Variants in ANO10 observed in about 807,000 individuals in gnomAD.
ANO10 encodes the protein anoctamin 10.
In ANO10, 77 loss-of-function variants were observed where a neutral mutation model predicts 74.7. That is an observed-to-expected ratio of 1.03 (90% CI 0.86 to 1.25). ANO10 has a LOEUF of 1.25. Ranked by LOEUF, ANO10 falls within the 50% of genes most tolerant of loss-of-function variation. The pLI is 0.00. For synonymous variants in ANO10, 279 were observed against 284.9 expected, an observed-to-expected ratio of 0.98 and a Z score of 0.21; for missense variants, 721 against 778.1, an observed-to-expected ratio of 0.93 and a Z score of 0.87.
intron 1 of ANO10, chr3:43,689,588 CT>C (rs1382378624): frequency 1.3e-5 from 2 of 152,174 alleles, no homozygotes; most frequent in African/African-American, 2.4e-5. Context: ...TTATAAGTGG[CT>C]TTCCCCCCTC....
At chr3:43,666,575 ATATC>A (rs749415103) in intron 1 of ANO10, among the ~76,000 whole-genome samples, 14 of 152,160 alleles carry the variant, frequency 9.2e-5, no homozygotes, top group Non-Finnish European at 2.1e-4. Flanking sequence ...CTATATCTAT[ATATC>A]TATCAATCAA....
chr3:43,382,241 C>T (rs867301463), intron 12 of ANO10, among the ~76,000 whole-genome samples: 9 of 152,144 alleles, frequency 5.9e-5, no homozygotes, highest in Admixed American at 2.0e-4. Context: ...AAGATCAGGC[C>T]GGGCGCGGTG....
At chr3:43,451,366 AG>A (rs538842309) in intron 11 of ANO10, among the ~76,000 whole-genome samples, 78 of 152,162 alleles carry the variant, frequency 5.1e-4, no homozygotes, top group Non-Finnish European at 6.3e-4. Context: ...TGGCCATTCC[AG>A]CTTCAGAGCT....
rs541011237 is a variant in ANO10 at position 43,398,927 on chromosome 3, G to T, written c.1915-31953C>A. On this transcript the variant is annotated intron_variant, in intron 12 of 12. Coordinates refer to ENST00000292246, the MANE Select transcript of ANO10 (RefSeq NM_018075.5). ...CACTGCAACCTCTGCCTTCTGGGCTGATGTGATCCTCCCACCTCAGTCTCC... is the reference window on the plus strand; with the variant it reads ...CACTGCAACCTCTGCCTTCTGGGCTTATGTGATCCTCCCACCTCAGTCTCC... 8.5e-4 allele frequency among the ~76,000 whole-genome samples: 129 copies of T among 152,290 alleles called. 1 individual carries two copies. The highest frequency in any genetic ancestry group is 2.7e-3 in the African/African-American group (112 of 41,566).
chr3:43,369,638 A>G (rs1421586957), intron 12 of ANO10, among the ~76,000 whole-genome samples: 3 of 152,124 alleles, frequency 2.0e-5, no homozygotes, highest in Admixed American at 6.5e-5. Flanking sequence ...GCAGTGGCAG[A>G]CCAGGTGGTT....
chr3:43,587,223 T>A (rs2081519723), intron 4 of ANO10, among the ~76,000 whole-genome samples: 1 of 151,974 alleles, frequency 6.6e-6, no homozygotes, highest in South Asian at 2.1e-4. Context: ...GCCATACAGA[T>A]CAACAAGGAG....
intron 4 of ANO10, among the ~76,000 whole-genome samples, chr3:43,580,726 G>GC (rs2081229047): frequency 6.6e-6 from 1 of 151,994 alleles, no homozygotes; most frequent in South Asian, 2.1e-4. Context: ...ACTATGAGAG[G>GC]CCCGTTAGTC....
At chr3:43,389,562 C>A (rs1326912870) in intron 12 of ANO10, among the ~76,000 whole-genome samples, 1 of 152,106 alleles carries the variant, frequency 6.6e-6, no homozygotes, top group Non-Finnish European at 1.5e-5. Context: ...CAAGCTTGCA[C>A]CAAATAAATA....
intron 11 of ANO10, among the ~76,000 whole-genome samples, chr3:43,546,380 G>A (rs2079190966): frequency 6.6e-6 from 1 of 152,170 alleles, no homozygotes. Context: ...GAAATCAAGA[G>A]TATGGTACTG....
At chr3:43,580,507 G>A (rs1230834710) in intron 4 of ANO10, 35 bp from the exon 5 acceptor site, 1 of 1,610,528 alleles carries the variant, frequency 6.2e-7, no homozygotes, top group Non-Finnish European at 8.5e-7. Flanking sequence ...TGCATGAAAT[G>A]GACTGGAGAT....
intron 6 of ANO10, among the ~76,000 whole-genome samples, chr3:43,576,435 A>G (rs1024745346): frequency 1.3e-5 from 2 of 152,208 alleles, no homozygotes; most frequent in Non-Finnish European, 2.9e-5. Flanking sequence ...TGAGAAGGTG[A>G]TGGTGAGATA....
At chr3:43,372,342 C>T (rs551401038) in intron 12 of ANO10, among the ~76,000 whole-genome samples, 1 of 152,128 alleles carries the variant, frequency 6.6e-6, no homozygotes, top group Admixed American at 6.5e-5. Flanking sequence ...AGACGGCACC[C>T]CAGACCATCC....
intron 1 of ANO10, among the ~76,000 whole-genome samples, chr3:43,617,522 A>T (rs2083177367): frequency 6.6e-6 from 1 of 152,138 alleles, no homozygotes; most frequent in Admixed American, 6.5e-5. Context: ...AGTTAAATTC[A>T]TGTGGCTTTT....
intron 4 of ANO10, among the ~76,000 whole-genome samples, chr3:43,588,564 T>TAAA (rs34688033): frequency 1.1e-4 from 16 of 144,888 alleles, no homozygotes; most frequent in East Asian, 6.0e-4. Flanking sequence ...ATTTACTTAG[T>TAAA]AAAAAAAAAA....
intron 12 of ANO10, 120 bp from the exon 13 acceptor site, chr3:43,367,094 C>T: frequency 1.1e-6 from 1 of 892,392 alleles, no homozygotes; most frequent in Non-Finnish European, 1.8e-6. Flanking sequence ...GACTCTGATG[C>T]TGCCTGCAGC....
chr3:43,501,185 G>C (rs1373776909), intron 11 of ANO10, among the ~76,000 whole-genome samples: 3 of 152,200 alleles, frequency 2.0e-5, no homozygotes, highest in Non-Finnish European at 4.4e-5. Context: ...TTCCACTCAT[G>C]ATGGAAGGTG....
intron 11 of ANO10, among the ~76,000 whole-genome samples, chr3:43,467,785 T>C (rs2075688390): frequency 6.6e-6 from 1 of 152,238 alleles, no homozygotes; most frequent in African/African-American, 2.4e-5. Flanking sequence ...TAAGGTATAA[T>C]GCAGTGATCC....
chr3:43,680,254 G>A (rs2084176567), intron 1 of ANO10, among the ~76,000 whole-genome samples: 1 of 152,212 alleles, frequency 6.6e-6, no homozygotes, highest in Non-Finnish European at 1.5e-5. Context: ...ACCTGATGGA[G>A]CTGAAAACCA....
chr3:43,622,975 C>G (rs903418265), upstream of ANO10, among the ~76,000 whole-genome samples: 7 of 152,232 alleles, frequency 4.6e-5, no homozygotes, highest in African/African-American at 1.4e-4. Flanking sequence ...AAGCGATTCT[C>G]CTGCCTCAGC....
Sources: allele counts gnomAD v4.1 joint callset (sites outside exome capture counted in the v4.1 genomes callset), GRCh38; gene constraint gnomAD v4.1.1; transcripts MANE v1.5; gene names NCBI Gene and HGNC (gene_info 2026-07-23, HGNC 2026-07-21).